Variants in METTL3 observed in about 807,000 individuals in gnomAD.
METTL3 encodes the protein methyltransferase 3, N6-adenosine-methyltransferase complex catalytic subunit.
In METTL3, 42 loss-of-function variants were observed where a neutral mutation model predicts 64.3. The ratio of observed to expected loss-of-function variants is 0.65; its 90% CI spans 0.51 to 0.84. The LOEUF is 0.84. Ranked by LOEUF, METTL3 falls within the 40% of genes least tolerant of loss-of-function variation. METTL3 has a pLI of 0.00. For synonymous variants in METTL3, 256 were observed against 263.6 expected (o/e 0.97, Z 0.28); for missense variants, 435 against 722.3 (o/e 0.60, Z 4.56).
intron 1 of METTL3, among the ~76,000 whole-genome samples, chr14:21,507,272 C>T (rs1184862328): frequency 1.3e-5 from 2 of 152,120 alleles, no homozygotes; most frequent in African/African-American, 2.4e-5. Context: ...CCACTATTAA[C>T]GATGTGGTGG....
In METTL3 at chr14:21,500,477, G is replaced by A. The variant is rs1263790; in HGVS notation, c.1304+18C>T. ...TTGTACTGTATCTGTCCATACCTAC[G>A]TAACTGAATTGCATTACCTGCCTGT... On this transcript the variant is annotated intron_variant, in intron 6 of 10. Coordinates refer to ENST00000298717, the MANE Select transcript of METTL3 (RefSeq NM_019852.5). 0.93 allele frequency: 1,496,583 copies of A among 1,613,718 alleles called. 695,042 individuals carry two copies. The highest frequency in any genetic ancestry group is 0.94 in the Middle Eastern group (5,690 of 6,058).
chr14:21,505,554 G>C (rs965586157), intron 1 of METTL3, among the ~76,000 whole-genome samples: 4 of 152,112 alleles, frequency 2.6e-5, no homozygotes, highest in Non-Finnish European at 2.9e-5. Flanking sequence ...CAGGAGGAGG[G>C]AGCTTATGTT....
intron 1 of METTL3, 199 bp downstream of exon 1, chr14:21,510,924 CG>C: frequency 1.7e-6 from 1 of 573,268 alleles, no homozygotes; most frequent in Non-Finnish European, 3.0e-6. Flanking sequence ...CTGGAAGAAC[CG>C]AGGCCCAGCG....
Position 21,500,688 on chromosome 14 carries a change from T to G in METTL3, c.1117-6A>C. On this transcript the variant is annotated splice_polypyrimidine_tract_variant and splice_region_variant and intron_variant, in intron 5 of 10. Coordinates refer to ENST00000298717, the MANE Select transcript of METTL3 (RefSeq NM_019852.5). Reference sequence around the variant, plus strand: ...CGGATATCACAACAGATCCACTGCATAAAGTGGTATTTGGTCATCTTCCCT... The same window carrying G: ...CGGATATCACAACAGATCCACTGCAGAAAGTGGTATTTGGTCATCTTCCCT... 6.2e-7 allele frequency: 1 copy of G among 1,607,364 alleles called. No homozygotes were observed. Among genetic ancestry groups the G allele is most frequent in the Non-Finnish European group, 8.5e-7 (1 of 1,175,460 alleles).
intron 6 of METTL3, among the ~76,000 whole-genome samples, chr14:21,500,063 G>A (rs565312827): frequency 1.3e-5 from 2 of 152,158 alleles, no homozygotes; most frequent in Non-Finnish European, 2.9e-5. Context: ...TTAGGACTCA[G>A]TAGAAAAAAA....
intron 1 of METTL3, chr14:21,504,854 T>G (rs528404122): frequency 1.3e-5 from 2 of 151,760 alleles, no homozygotes; most frequent in South Asian, 4.2e-4. Flanking sequence ...GGAGGAGAAT[T>G]GCTTGAACCC....
Position 21,511,305 on chromosome 14 carries a change from T to C in METTL3, c.-82A>G, listed in dbSNP as rs1891833814. On this transcript the variant is annotated 5_prime_UTR_variant, in exon 1 of 11. Coordinates refer to ENST00000298717, the MANE Select transcript of METTL3 (RefSeq NM_019852.5). ...AGCACTCGCTCCAGGATATAGCCAA[T>C]TCTCACGCGGACACCCCGAAGGCTA... is the stretch of plus-strand genomic sequence containing the variant. 2.2e-5 allele frequency: 34 copies of C among 1,515,630 alleles called. No individual in the cohort carries two copies. The South Asian group carries it at 3.0e-4, about 13-fold the overall frequency. 93.9% of individuals were successfully genotyped at this position (1,515,630 alleles called of 1,614,324 possible).
Position 21,503,738 on chromosome 14 carries a change from ACTT to A in METTL3, c.241_243del (p.Lys81del). On this transcript the variant is annotated inframe_deletion, in exon 2 of 11. Transcript: ENST00000298717. The stretch of plus-strand genomic sequence containing the variant: ...GCCAGATCAGAGAGGTGGTGTAGCA[ACTT>A]CTTCTCTAACTCAGGATCTGTAGCT... 3.7e-6 allele frequency: 6 copies of A among 1,614,236 alleles called. No homozygotes were observed. The highest frequency in any genetic ancestry group is 5.1e-6 in the Non-Finnish European group (6 of 1,180,026).
intron 5 of METTL3, 103 bp from the exon 6 acceptor site, chr14:21,500,785 T>C (rs1891546476): frequency 7.0e-7 from 1 of 1,429,576 alleles, no homozygotes. Context: ...TAAAAGCTTA[T>C]CTATCCCCCT....
At position 21,500,635 on chromosome 14, in the gene METTL3, C is replaced by T. The variant is rs1891539655; in HGVS notation, c.1164G>A (p.Lys388=). The T allele has an allele frequency of 6.2e-7, 1 of 1,614,030 alleles. No homozygotes were observed. Among genetic ancestry groups the T allele is most frequent in the African/African-American group, 1.3e-5 (1 of 74,912 alleles). The stretch of plus-strand genomic sequence containing the variant: ...GTGGGTCAGCCATCACAACTGCAAA[C>T]TTGCCCAAGATACTGACGTCCAGGT... ...IRYLDVSILG[K]FAVVMADPPW... Residue 388 remains lysine (K), a synonymous_variant, in exon 6 of 11, where the codon AAG becomes AAA. Transcript: ENST00000298717.
chr14:21,499,204 T>A (rs1891492235), intron 9 of METTL3, 67 bp from the exon 10 acceptor site: 1 of 1,579,824 alleles, frequency 6.3e-7, no homozygotes, highest in Admixed American at 1.7e-5. Context: ...TTCTATTATG[T>A]TTATGATCTA....
chr14:21,510,924 C>A (rs566616768), intron 1 of METTL3, 200 bp downstream of exon 1: 64 of 573,150 alleles, frequency 1.1e-4, no homozygotes, highest in African/African-American at 6.0e-4. Flanking sequence ...CTGGAAGAAC[C>A]GAGGCCCAGC....
At chr14:21,502,397 C>T (rs1326870003) in intron 3 of METTL3, 1 of 155,268 alleles carries the variant, frequency 6.4e-6, no homozygotes, top group Non-Finnish European at 1.4e-5. Context: ...AGTCCTTCCT[C>T]ACAAATATGC....
In METTL3 at chr14:21,501,048, C is replaced by T. The variant is rs2139642272; in HGVS notation, c.981G>A (p.Lys327=). The T allele has an allele frequency of 2.5e-6, 4 of 1,614,106 alleles. No homozygotes were observed. The highest frequency in any genetic ancestry group is 3.4e-6 in the Non-Finnish European group (4 of 1,180,008). The part of the protein sequence containing the change: ...LNTCFHMDTC[K]YVHYEIDACM... ...AAGCATCAATTTCATAGTGAACATA[C>T]TTGCAGGTATCCATGTGGAAACATG... The change falls in exon 5 of 11, where the codon AAG becomes AAA. Residue 327 remains lysine, a synonymous_variant. Transcript: ENST00000298717.
At chr14:21,504,948 TATAA>T (rs528189760) in intron 1 of METTL3, 17 of 151,976 alleles carry the variant, frequency 1.1e-4, no homozygotes, top group African/African-American at 3.6e-4. Flanking sequence ...TCAAAAAATA[TATAA>T]ATAAATAATT....
Position 21,499,564 on chromosome 14 carries a change from T to C in METTL3, c.1380A>G (p.Thr460=). 1.2e-6 allele frequency: 2 copies of C among 1,614,258 alleles called. No homozygotes were observed. Among genetic ancestry groups the C allele is most frequent in the Middle Eastern group, 3.3e-4 (2 of 6,062 alleles). ...TCCGAATGATGCGTTGCAGTTGATT[T>C]GTCTTCACCCAAATAATTTCATCTA... ...ERVDEIIWVK[T]NQLQRIIRTG... is the part of the protein sequence containing the mutation. The change falls in exon 8 of 11, where the codon ACA becomes ACG. Residue 460 remains threonine, a synonymous_variant. Coordinates refer to ENST00000298717, the MANE Select transcript of METTL3 (RefSeq NM_019852.5).
intron 1 of METTL3, among the ~76,000 whole-genome samples, chr14:21,505,808 C>A (rs1891683487): frequency 6.6e-6 from 1 of 152,220 alleles, no homozygotes; most frequent in Non-Finnish European, 1.5e-5. Context: ...TGCAACTACA[C>A]TGACATTCTG....
At chr14:21,506,920 A>G (rs1413736109) in intron 1 of METTL3, among the ~76,000 whole-genome samples, 1 of 152,118 alleles carries the variant, frequency 6.6e-6, no homozygotes, top group African/African-American at 2.4e-5. Context: ...AGTACATACA[A>G]CAAGCACCTG....
rs35128103 is a variant in METTL3 at position 21,503,249 on chromosome 14, T to G, written c.647A>C (p.His216Pro). 1,443 of 1,614,198 alleles carry G rather than the reference T, an allele frequency of 8.9e-4. 8 individuals are homozygous for G. In the African/African-American group the frequency reaches 0.018, roughly 20 times the overall value. ...CTCCAGATCAACATCTGAGGCAGCA[T>G]GTTTCCTTGATTTCTTGGCTGGCTC... ...AKEPAKKSRK[H>P]AASDVDLEIE... is the part of the protein sequence containing the mutation. The change falls in exon 3 of 11, where the codon CAT (histidine) becomes CCT (proline). Residue 216 changes from histidine (H) to proline (P), a missense_variant. Around this residue, in one of 9 missense-constraint regions of METTL3, gnomAD observed 228 missense variants for 279.6 expected, o/e 0.82. Coordinates refer to ENST00000298717, the MANE Select transcript of METTL3 (RefSeq NM_019852.5).
Sources: gnomAD v4.1 joint callset for allele counts (sites outside exome capture counted in the v4.1 genomes callset) on GRCh38, gnomAD v4.1.1 for gene constraint, gnomAD v4.1.1 regional missense constraint, MANE v1.5 for transcripts, NCBI Gene and HGNC (gene_info 2026-07-23, HGNC 2026-07-21) for gene names.